Variants in MYOCD observed in about 807,000 individuals in gnomAD.
MYOCD encodes the protein myocardin.
MYOCD carries 32 observed loss-of-function variants against 96.1 expected under a neutral mutation model. The observed-to-expected ratio is 0.33, with a 90% CI of 0.25 to 0.45. The LOEUF is 0.45. Among genes scored for constraint, MYOCD ranks in the 20% least tolerant of loss-of-function variants. MYOCD has a pLI of 1.00. For synonymous variants in MYOCD, 469 were observed against 469.0 expected, an observed-to-expected ratio of 1.00 and a Z score of 0.00; for missense variants, 1,133 against 1,200.6, an observed-to-expected ratio of 0.94 and a Z score of 0.83.
intron 2 of MYOCD, among the ~76,000 whole-genome samples, chr17:12,713,258 G>A (rs1343007611): frequency 6.6e-6 from 1 of 152,202 alleles, no homozygotes; most frequent in African/African-American, 2.4e-5. Flanking sequence ...TCACAGGGGA[G>A]TTATTAACAC....
chr17:12,738,442 C>T (rs750623857), intron 6 of MYOCD, among the ~76,000 whole-genome samples: 1 of 152,140 alleles, frequency 6.6e-6, no homozygotes, highest in African/African-American at 2.4e-5. Flanking sequence ...TATACACATG[C>T]ATGCGCACGC....
At chr17:12,678,359 G>A (rs928493379) in intron 1 of MYOCD, among the ~76,000 whole-genome samples, 5 of 151,360 alleles carry the variant, frequency 3.3e-5, no homozygotes, top group African/African-American at 4.8e-5. Context: ...TTATTCTCCG[G>A]TGAGGTGTGG....
intron 6 of MYOCD, among the ~76,000 whole-genome samples, chr17:12,737,677 A>G (rs1403900476): frequency 1.3e-5 from 2 of 152,176 alleles, no homozygotes; most frequent in African/African-American, 4.8e-5. Context: ...AAATTGTGCA[A>G]TGAACTGAAA....
chr17:12,749,534 TTA>T (rs56853262), intron 9 of MYOCD, among the ~76,000 whole-genome samples: 4 of 144,842 alleles, frequency 2.8e-5, no homozygotes, highest in African/African-American at 1.0e-4. Flanking sequence ...GTCTCAAAAC[TTA>T]TATATATATA....
chr17:12,754,072 GTGTA>G (rs1039164908), intron 10 of MYOCD, among the ~76,000 whole-genome samples: 52 of 134,860 alleles, frequency 3.9e-4, no homozygotes, highest in African/African-American at 1.5e-3. Flanking sequence ...GTGTGTGTGT[GTGTA>G]TGTGTGTGTG....
At chr17:12,690,180 A>T (rs2030370835) in intron 1 of MYOCD, among the ~76,000 whole-genome samples, 1 of 152,198 alleles carries the variant, frequency 6.6e-6, no homozygotes, top group South Asian at 2.1e-4. Flanking sequence ...AGGAAAAAAA[A>T]ATCCCAGTGG....
chr17:12,737,973 G>C (rs1351404618), intron 6 of MYOCD, among the ~76,000 whole-genome samples: 1 of 152,178 alleles, frequency 6.6e-6, no homozygotes, highest in Non-Finnish European at 1.5e-5. Flanking sequence ...GCATGCCACA[G>C]CTGGTCTTTG....
In MYOCD at chr17:12,766,962, G is replaced by GAGAGGGAGGGAGGGAGGAAGA. The variant is rs764430811; in HGVS notation, c.*3331_*3351dup. The GAGAGGGAGGGAGGGAGGAAGA allele has an allele frequency of 6.6e-6, 1 of 151,702 alleles. No individual in the cohort carries two copies. Among genetic ancestry groups the GAGAGGGAGGGAGGGAGGAAGA allele is most frequent in the Non-Finnish European group, 1.5e-5 (1 of 67,978 alleles). 9.4% of individuals were successfully genotyped at this position (151,702 alleles called of 1,614,324 possible). ...ATTCTAAGGGAGAAAGAGGGAGGAA[G>GAGAGGGAGGGAGGGAGGAAGA]AGAGGGAGGGAGGGAGGAAGAAGAG... On this transcript the variant is annotated 3_prime_UTR_variant, in exon 14 of 14. Transcript: ENST00000425538.
chr17:12,695,791 A>G (rs1177546097), intron 1 of MYOCD, among the ~76,000 whole-genome samples: 1 of 152,210 alleles, frequency 6.6e-6, no homozygotes, highest in East Asian at 1.9e-4. Flanking sequence ...TTGTATAATC[A>G]TCACTAAGAT....
intron 5 of MYOCD, among the ~76,000 whole-genome samples, chr17:12,728,788 A>T (rs929199477): frequency 1.3e-5 from 2 of 152,148 alleles, no homozygotes; most frequent in East Asian, 1.9e-4. Context: ...CAGTCTTTTT[A>T]AAAAAAGAAC....
intron 5 of MYOCD, among the ~76,000 whole-genome samples, chr17:12,726,462 A>G (rs1460527725): frequency 6.6e-6 from 1 of 152,200 alleles, no homozygotes; most frequent in Non-Finnish European, 1.5e-5. Flanking sequence ...AGAAAAGATG[A>G]GAAGTTTCAT....
Position 12,768,043 on chromosome 17 carries a change from C to T in MYOCD, c.*4399C>T, listed in dbSNP as rs2033386325. On this transcript the variant is annotated 3_prime_UTR_variant, in exon 14 of 14. Transcript: ENST00000425538. Reference sequence around the variant, plus strand: ...TGGTACACAGTTTGCAATCAAATATCAGATATGAGAAAACCTGTAGTGAAG... The same window carrying T: ...TGGTACACAGTTTGCAATCAAATATTAGATATGAGAAAACCTGTAGTGAAG... 1 of 152,170 alleles carries T rather than the reference C, an allele frequency of 6.6e-6. No individual in the cohort carries two copies. The highest frequency in any genetic ancestry group is 1.5e-5 in the Non-Finnish European group (1 of 68,036). The allele number at this position is 152,170 out of a possible 1,614,324, so 9.4% of individuals were successfully genotyped here.
intron 1 of MYOCD, among the ~76,000 whole-genome samples, chr17:12,698,155 G>A (rs1460889453): frequency 2.0e-5 from 3 of 152,142 alleles, no homozygotes; most frequent in East Asian, 3.9e-4. Flanking sequence ...GGGAGTTTAC[G>A]GAAATTGATC....
chr17:12,726,517 T>C (rs2032004622), intron 5 of MYOCD, among the ~76,000 whole-genome samples: 1 of 152,158 alleles, frequency 6.6e-6, no homozygotes, highest in African/African-American at 2.4e-5. Context: ...ACACATCACT[T>C]CCACTCACAT....
Position 12,666,107 on chromosome 17 carries a change from T to G in MYOCD, c.-82T>G, listed in dbSNP as rs374304497. 6 of 1,031,334 alleles carry G rather than the reference T, an allele frequency of 5.8e-6. No homozygotes were observed. The highest frequency in any genetic ancestry group is 9.1e-6 in the Non-Finnish European group (6 of 658,608). 63.9% of individuals were successfully genotyped at this position (1,031,334 alleles called of 1,614,324 possible). On this transcript the variant is annotated 5_prime_UTR_variant, in exon 1 of 14. Transcript: ENST00000425538. ...ATGAATTCTGGGTTGTTAGCTGCGG[T>G]CAGCTGGGCTCCCGGGAGCCTGTTG...
chr17:12,747,254 G>A (rs1479247735), intron 9 of MYOCD, among the ~76,000 whole-genome samples: 1 of 152,210 alleles, frequency 6.6e-6, no homozygotes, highest in Non-Finnish European at 1.5e-5. Context: ...GCTATTGTAT[G>A]AGACGTGAGT....
At chr17:12,745,530 A>G (rs892785185) in intron 8 of MYOCD, among the ~76,000 whole-genome samples, 1 of 152,058 alleles carries the variant, frequency 6.6e-6, no homozygotes, top group Non-Finnish European at 1.5e-5. Flanking sequence ...TAAATTGTCA[A>G]TATCCCCACA....
chr17:12,705,239 C>A (rs752415723), intron 2 of MYOCD, 46 bp downstream of exon 2: 2 of 1,410,518 alleles, frequency 1.4e-6, no homozygotes, highest in Non-Finnish European at 1.0e-6. Flanking sequence ...AGGGCCACAC[C>A]ATTTGGGAGC....
Position 12,768,768 on chromosome 17 carries a change from C to T in MYOCD, c.*5124C>T, listed in dbSNP as rs745348346. ...AGCAAGCATAGGTTCTCTGTGGGAC[C>T]TTGTGGAGTGGTGTTTTCACGTTGG... On this transcript the variant is annotated 3_prime_UTR_variant, in exon 14 of 14. Transcript: ENST00000425538. 2 of 151,798 alleles carry T rather than the reference C, an allele frequency of 1.3e-5. No homozygotes were observed. The highest frequency in any genetic ancestry group is 2.9e-5 in the Non-Finnish European group (2 of 67,980). The allele number at this position is 151,798 out of a possible 1,614,324, so 9.4% of individuals were successfully genotyped here.
Sources: gnomAD v4.1 joint callset for allele counts (sites outside exome capture counted in the v4.1 genomes callset) on GRCh38, gnomAD v4.1.1 for gene constraint, MANE v1.5 for transcripts, NCBI Gene and HGNC (gene_info 2026-07-23, HGNC 2026-07-21) for gene names.